Variants in ABLIM1 observed in about 807,000 individuals in gnomAD.
ABLIM1 encodes actin binding LIM protein 1.
In ABLIM1, 40 loss-of-function variants were observed where a neutral mutation model predicts 107.0. That is an observed-to-expected ratio of 0.37 (90% confidence interval 0.29 to 0.49). The LOEUF (loss-of-function observed/expected upper bound fraction) is 0.49, where lower values mean the gene tolerates loss of function less well. Among genes scored for constraint, ABLIM1 ranks in the 20% least tolerant of loss-of-function variants. The pLI, the probability that ABLIM1 is intolerant of heterozygous loss-of-function variation, is 0.97. For missense variants in ABLIM1, 857 were observed against 1,008.5 expected (o/e 0.85, Z 2.04); for synonymous variants, 357 against 357.3 (o/e 1.00, Z 0.01).
chr10:114,575,708 G>C, intron 2 of ABLIM1, 109 bp from the exon 3 acceptor site: 1 of 1,171,264 alleles, frequency 8.5e-7, no homozygotes, highest in Non-Finnish European at 1.2e-6. Context: ...AATGGTTTGG[G>C]GCTAGGGAGG....
intron 1 of ABLIM1, among the ~76,000 whole-genome samples, chr10:114,700,773 C>T (rs184883990): frequency 2.0e-5 from 3 of 151,962 alleles, no homozygotes; most frequent in Admixed American, 2.0e-4. Context: ...TACCTCACAC[C>T]ATATACAAAA....
chr10:114,716,142 A>G (rs1224445248), intron 1 of ABLIM1, among the ~76,000 whole-genome samples: 2 of 152,232 alleles, frequency 1.3e-5, no homozygotes, highest in African/African-American at 4.8e-5. Flanking sequence ...CTTTCCACCC[A>G]TCCCAAGAGC....
chr10:114,563,238 T>C (rs2070054605), intron 4 of ABLIM1, among the ~76,000 whole-genome samples: 1 of 152,208 alleles, frequency 6.6e-6, no homozygotes, highest in African/African-American at 2.4e-5. Flanking sequence ...TTTATCCCTT[T>C]TGTATGTTTC....
intron 1 of ABLIM1, among the ~76,000 whole-genome samples, chr10:114,696,400 C>A (rs2081194148): frequency 6.6e-6 from 1 of 152,192 alleles, no homozygotes. Flanking sequence ...AGCTTCATTG[C>A]ACAGATGTGT....
chr10:114,606,393 G>A lies in ABLIM1; in HGVS notation c.245-4432C>T, dbSNP rs1403005777. Among the ~76,000 whole-genome samples the A allele has an allele frequency of 9.9e-5, 15 of 151,982 alleles. 1 individual carries two copies. The South Asian group carries it at 2.7e-3, about 27-fold the overall frequency. On this transcript the variant is annotated intron_variant, in intron 1 of 22. Coordinates refer to ENST00000533213, the MANE Select transcript of ABLIM1 (RefSeq NM_002313.7). ...TGGGACTATAGGCGCACACCTCCAT[G>A]CCCAGCTAATTTTTGTATTTTTAGT...
intron 1 of ABLIM1, among the ~76,000 whole-genome samples, chr10:114,730,982 T>A (rs1024760443): frequency 2.0e-5 from 3 of 152,200 alleles, no homozygotes; most frequent in Non-Finnish European, 4.4e-5. Flanking sequence ...ATAGCATGCA[T>A]GAGCTCTACT....
chr10:114,447,557 G>A (rs1030192391), intron 15 of ABLIM1, among the ~76,000 whole-genome samples: 2 of 152,178 alleles, frequency 1.3e-5, no homozygotes, highest in African/African-American at 4.8e-5. Flanking sequence ...CTTGCCATAA[G>A]GCTTTCACTC....
At chr10:114,609,087 T>A (rs2076634665) in intron 1 of ABLIM1, among the ~76,000 whole-genome samples, 1 of 152,150 alleles carries the variant, frequency 6.6e-6, no homozygotes, top group African/African-American at 2.4e-5. Flanking sequence ...TCAGAGATCT[T>A]CAATAACATG....
chr10:114,759,190 T>G (rs2082692622), intron 1 of ABLIM1, among the ~76,000 whole-genome samples: 2 of 152,210 alleles, frequency 1.3e-5, no homozygotes, highest in Admixed American at 1.3e-4. Flanking sequence ...AACTAATTTT[T>G]TAACGGGCAA....
chr10:114,565,612 T>C, intron 4 of ABLIM1, among the ~76,000 whole-genome samples: 1 of 152,000 alleles, frequency 6.6e-6, no homozygotes, highest in Non-Finnish European at 1.5e-5. Context: ...TACGCTCCCT[T>C]GGCAGACAGT....
intron 3 of ABLIM1, among the ~76,000 whole-genome samples, chr10:114,574,566 A>G (rs1469224776): frequency 6.6e-6 from 1 of 151,962 alleles, no homozygotes; most frequent in Non-Finnish European, 1.5e-5. Context: ...CAGCCTCCCA[A>G]GCAGCTGAGA....
chr10:114,750,397 T>C (rs1181240480), intron 1 of ABLIM1, among the ~76,000 whole-genome samples: 1 of 152,138 alleles, frequency 6.6e-6, no homozygotes, highest in Non-Finnish European at 1.5e-5. Flanking sequence ...ATAAGAATAA[T>C]CTAGTTTAAG....
chr10:114,667,696 C>A (rs1342337299), intron 1 of ABLIM1, among the ~76,000 whole-genome samples: 1 of 152,242 alleles, frequency 6.6e-6, no homozygotes, highest in Non-Finnish European at 1.5e-5. Flanking sequence ...TGCCCTCACA[C>A]CATAGCCACT....
intron 3 of ABLIM1, among the ~76,000 whole-genome samples, chr10:114,573,724 G>T (rs1166372462): frequency 6.6e-6 from 1 of 152,176 alleles, no homozygotes; most frequent in Non-Finnish European, 1.5e-5. Flanking sequence ...AGTGATGAGC[G>T]AGGCTTGAAA....
chr10:114,694,271 G>A (rs1222096209), intron 1 of ABLIM1, among the ~76,000 whole-genome samples: 1 of 152,164 alleles, frequency 6.6e-6, no homozygotes, highest in Non-Finnish European at 1.5e-5. Flanking sequence ...TGGCCCGGGT[G>A]CCACTCTGAG....
At chr10:114,575,362 C>A in intron 3 of ABLIM1, 54 bp downstream of exon 3, 1 of 1,585,796 alleles carries the variant, frequency 6.3e-7, no homozygotes, top group Non-Finnish European at 8.6e-7. Flanking sequence ...CAGCCCAAAC[C>A]AGCATTTCTC....
At position 114,602,153 on chromosome 10, in the gene ABLIM1, C is replaced by T. The variant is rs527944441; in HGVS notation, c.245-192G>A. Among the ~76,000 whole-genome samples the T allele has an allele frequency of 5.3e-5, 8 of 152,270 alleles. No homozygotes were observed. The South Asian group carries it at 6.2e-4, about 12-fold the overall frequency. On this transcript the variant is annotated intron_variant, in intron 1 of 22. Transcript: ENST00000533213. The stretch of plus-strand genomic sequence containing the variant: ...AAGACAGTTGTGGCTTTGACAGTCC[C>T]GGGGGGAAAACACCAGGCGTGTTCC...
chr10:114,517,122 T>C (rs1380514760), intron 6 of ABLIM1, among the ~76,000 whole-genome samples: 3 of 152,174 alleles, frequency 2.0e-5, no homozygotes, highest in Non-Finnish European at 2.9e-5. Context: ...CTCCGATTTT[T>C]AGATGGGAGG....
chr10:114,552,820 T>C (rs991931117), intron 4 of ABLIM1, among the ~76,000 whole-genome samples: 19 of 152,188 alleles, frequency 1.2e-4, no homozygotes, highest in African/African-American at 4.6e-4. Flanking sequence ...AGATCATGCA[T>C]GGTAAAGTGT....
Sources: gnomAD v4.1 joint callset for allele counts (sites outside exome capture counted in the v4.1 genomes callset) on GRCh38, gnomAD v4.1.1 for gene constraint, MANE v1.5 for transcripts, NCBI Gene and HGNC (gene_info 2026-07-23, HGNC 2026-07-21) for gene names.